Variants in LINGO2 observed in about 807,000 individuals in gnomAD.
LINGO2 encodes leucine rich repeat and Ig domain containing 2, also known as leucine-rich repeat and immunoglobulin-like domain-containing nogo receptor-interacting protein 2.
LINGO2 carries 14 observed loss-of-function variants against 30.6 expected under a neutral mutation model. That is an observed-to-expected ratio of 0.46 (90% CI 0.30 to 0.72). The LOEUF (loss-of-function observed/expected upper bound fraction) is 0.72, where lower values mean the gene tolerates loss of function less well. LINGO2 is among the 30% of genes least tolerant of loss of function. LINGO2 has a pLI of 0.07. For synonymous variants in LINGO2, 317 were observed against 288.5 expected, an observed-to-expected ratio of 1.10 and a Z score of -1.00; for missense variants, 729 against 751.7, an observed-to-expected ratio of 0.97 and a Z score of 0.35.
At chr9:28,110,463 A>G (rs1358476355) in intron 4 of LINGO2, among the ~76,000 whole-genome samples, 1 of 152,202 alleles carries the variant, frequency 6.6e-6, no homozygotes, top group Non-Finnish European at 1.5e-5. Context: ...CAGGCAACCT[A>G]CAGAATGGGA....
At chr9:28,005,808 C>T (rs1822237505) in intron 5 of LINGO2, among the ~76,000 whole-genome samples, 1 of 151,808 alleles carries the variant, frequency 6.6e-6, no homozygotes, top group Non-Finnish European at 1.5e-5. Flanking sequence ...CAAGACAGAG[C>T]AGAGGAGAAA....
intron 3 of LINGO2, among the ~76,000 whole-genome samples, chr9:28,371,771 C>T (rs774817473): frequency 3.3e-5 from 5 of 152,124 alleles, no homozygotes; most frequent in Non-Finnish European, 7.4e-5. Context: ...TGGTAGTTAT[C>T]GCCCTGATGA....
rs149752662 is a variant in LINGO2, at chr9:28,580,664, G to A, written c.-365+89536C>T. Among the ~76,000 whole-genome samples, 30 of 152,080 alleles carry A rather than the reference G, an allele frequency of 2.0e-4. No individual in the cohort carries two copies. The South Asian group carries it at 4.6e-3, about 23-fold the overall frequency. On this transcript the variant is annotated intron_variant, in intron 1 of 5. Coordinates refer to ENST00000379992, the Ensembl canonical transcript of LINGO2. ...AATGCACTGCTAAATCCACTGAGAC[G>A]CACAGCATGGTTAAGGGCACCAGCA...
chr9:29,105,669 T>C, the LINGO2 span, among the ~76,000 whole-genome samples: 1 of 152,192 alleles, frequency 6.6e-6, no homozygotes, highest in African/African-American at 2.4e-5. Context: ...GTGATCTCTT[T>C]TGTGGTAGGC....
chr9:28,110,838 A>G (rs1563981189), intron 4 of LINGO2, among the ~76,000 whole-genome samples: 1 of 152,136 alleles, frequency 6.6e-6, no homozygotes, highest in Non-Finnish European at 1.5e-5. Context: ...CGATTCCTCA[A>G]GGATCTAGAA....
intron 1 of LINGO2, among the ~76,000 whole-genome samples, chr9:28,636,750 A>T (rs1168048156): frequency 6.6e-6 from 1 of 151,710 alleles, no homozygotes; most frequent in Non-Finnish European, 1.5e-5. Flanking sequence ...GATTGCGAAA[A>T]TTTTCTCCCA....
At chr9:28,144,995 G>T (rs1166193972) in intron 4 of LINGO2, among the ~76,000 whole-genome samples, 1 of 152,170 alleles carries the variant, frequency 6.6e-6, no homozygotes, top group East Asian at 1.9e-4. Context: ...TCCTCTGAAA[G>T]AAATGAATGC....
intron 2 of LINGO2, among the ~76,000 whole-genome samples, chr9:28,417,104 G>A (rs965613190): frequency 2.7e-5 from 4 of 149,602 alleles, no homozygotes; most frequent in African/African-American, 9.8e-5. Flanking sequence ...TAAAAAAAAA[G>A]CTGATTCAGT....
chr9:28,667,386 AC>A (rs1262926814), intron 1 of LINGO2, among the ~76,000 whole-genome samples: 1 of 152,144 alleles, frequency 6.6e-6, no homozygotes, highest in Non-Finnish European at 1.5e-5. Flanking sequence ...ACAGAGAGTC[AC>A]CATCATCTCT....
chr9:28,730,966 A>G, the LINGO2 span, among the ~76,000 whole-genome samples: 1 of 147,788 alleles, frequency 6.8e-6, no homozygotes, highest in Non-Finnish European at 1.5e-5. Context: ...TGCAAATAGT[A>G]TAAAGTCCAG....
At chr9:28,890,862 C>A in the LINGO2 span, among the ~76,000 whole-genome samples, 1 of 151,956 alleles carries the variant, frequency 6.6e-6, no homozygotes, top group Admixed American at 6.6e-5. Flanking sequence ...TTTTTCCACA[C>A]CTAGAAAATC....
chr9:28,015,998 CAAA>C (rs35234256), intron 4 of LINGO2, among the ~76,000 whole-genome samples: 1,977 of 122,406 alleles, frequency 0.016, 60 homozygotes, highest in African/African-American at 0.058. Flanking sequence ...GTAAAAGGGA[CAAA>C]AAAAAAAAAA....
chr9:28,755,996 G>A, the LINGO2 span, among the ~76,000 whole-genome samples: 1 of 152,014 alleles, frequency 6.6e-6, no homozygotes, highest in Non-Finnish European at 1.5e-5. Context: ...ATGGGAGCAA[G>A]AACCATAATC....
the LINGO2 span, among the ~76,000 whole-genome samples, chr9:29,126,762 T>C: frequency 2.0e-5 from 3 of 152,124 alleles, no homozygotes; most frequent in African/African-American, 7.2e-5. Flanking sequence ...TATAAGATTT[T>C]GCACTTCCTT....
intron 4 of LINGO2, among the ~76,000 whole-genome samples, chr9:28,268,614 T>G (rs938959258): frequency 6.6e-6 from 1 of 152,154 alleles, no homozygotes; most frequent in East Asian, 1.9e-4. Flanking sequence ...GTTTTTCTGA[T>G]TTGTAAAATG....
the LINGO2 span, among the ~76,000 whole-genome samples, chr9:28,980,812 A>C: frequency 0.7 from 98,985 of 141,596 alleles, 32,832 homozygotes; most frequent in Non-Finnish European, 0.75. Context: ...GTATTTTATT[A>C]TTTTATTTTT....
At chr9:28,835,364 T>C in the LINGO2 span, among the ~76,000 whole-genome samples, 1 of 152,204 alleles carries the variant, frequency 6.6e-6, no homozygotes, top group African/African-American at 2.4e-5. Context: ...TGGTAACGTA[T>C]TGTCTTTCCT....
chr9:28,611,213 TAATTG>T (rs1825900659), intron 1 of LINGO2, among the ~76,000 whole-genome samples: 1 of 152,190 alleles, frequency 6.6e-6, no homozygotes, highest in Admixed American at 6.5e-5. Context: ...TATTGAGGTA[TAATTG>T]ACAAATTGTA....
At chr9:28,480,805 C>A (rs552390354) in intron 1 of LINGO2, among the ~76,000 whole-genome samples, 2 of 151,984 alleles carry the variant, frequency 1.3e-5, no homozygotes, top group African/African-American at 4.8e-5. Context: ...CCCTGATTCC[C>A]TTCTATAACA....
Sources: gnomAD v4.1 joint callset for allele counts (sites outside exome capture counted in the v4.1 genomes callset) on GRCh38, gnomAD v4.1.1 for gene constraint, MANE v1.5 for transcripts, NCBI Gene and HGNC (gene_info 2026-07-23, HGNC 2026-07-21) for gene names.